The following KREMEN1 variants were observed in gnomAD, a reference collection of about 807,000 sequenced individuals.
KREMEN1 encodes kremen protein 1.
Under a neutral mutation model 46.5 loss-of-function variants are expected in KREMEN1, and 30 were observed. The observed-to-expected ratio is 0.65, with a 90% confidence interval of 0.48 to 0.88. The LOEUF is 0.88. Ranked by LOEUF, KREMEN1 falls within the 40% of genes least tolerant of loss-of-function variation. The pLI is 0.00. For missense variants in KREMEN1, 533 were observed against 596.9 expected, an observed-to-expected ratio of 0.89 and a Z score of 1.11; for synonymous variants, 214 against 230.6, an observed-to-expected ratio of 0.93 and a Z score of 0.65.
chr22:29,155,398 G>T (rs1391868740), intron 9 of KREMEN1, among the ~76,000 whole-genome samples: 1 of 152,070 alleles, frequency 6.6e-6, no homozygotes, highest in Non-Finnish European at 1.5e-5. Flanking sequence ...AGCCAAGCAT[G>T]GTGGTGTGTG....
At chr22:29,087,053 C>A (rs1054473327) in intron 1 of KREMEN1, among the ~76,000 whole-genome samples, 1 of 151,874 alleles carries the variant, frequency 6.6e-6, no homozygotes, top group African/African-American at 2.4e-5. Flanking sequence ...ATGAGCCATA[C>A]CCTCTAAATA....
intron 9 of KREMEN1, among the ~76,000 whole-genome samples, chr22:29,155,477 G>A (rs940983982): frequency 1.3e-5 from 2 of 152,172 alleles, no homozygotes; most frequent in African/African-American, 4.8e-5. Flanking sequence ...CTAGGCTGCA[G>A]TGAGCCGTGA....
At chr22:29,129,439 G>A (rs2038499890) in intron 5 of KREMEN1, among the ~76,000 whole-genome samples, 1 of 152,124 alleles carries the variant, frequency 6.6e-6, no homozygotes, top group Admixed American at 6.5e-5. Context: ...GAACAAGGCT[G>A]AGCACTTTGG....
Position 29,131,550 on chromosome 22 carries a change from ATATATATATATGTGTGTGTGTGTGTG to A in KREMEN1, c.632-5790_632-5765del, listed in dbSNP as rs1201093426. Among the ~76,000 whole-genome samples the A allele has an allele frequency of 1.8e-3, 112 of 62,676 alleles. 2 individuals are homozygous for A. The highest frequency in any genetic ancestry group is 7.3e-3 in the African/African-American group (106 of 14,434). The allele number at this position is 62,676 out of a possible 152,430, so 41.1% of individuals were successfully genotyped here. Reference sequence around the variant, plus strand: ...TATATATATATATATATATATATATATATATATATATGTGTGTGTGTGTGTGTGTGTGTGTGTGTGTGTGTATATGT... The same window carrying A: ...TATATATATATATATATATATATATATGTGTGTGTGTGTGTGTGTATATGT... On this transcript the variant is annotated intron_variant, in intron 5 of 8. Transcript: ENST00000400335.
At chr22:29,104,164 T>TC in intron 3 of KREMEN1, among the ~76,000 whole-genome samples, 1 of 151,128 alleles carries the variant, frequency 6.6e-6, no homozygotes, top group East Asian at 1.9e-4. Flanking sequence ...GTAATTTTTT[T>TC]TTTTTTTTTT....
intron 3 of KREMEN1, among the ~76,000 whole-genome samples, chr22:29,115,002 G>C (rs1280083548): frequency 1.3e-5 from 2 of 152,134 alleles, no homozygotes; most frequent in East Asian, 3.9e-4. Context: ...GAGAAGAAAG[G>C]AGTCAAAACC....
intron 3 of KREMEN1, among the ~76,000 whole-genome samples, chr22:29,105,843 G>T (rs144306199): frequency 6.6e-6 from 1 of 152,110 alleles, no homozygotes; most frequent in East Asian, 1.9e-4. Context: ...TCTGCAATAC[G>T]TGTGGAACCT....
chr22:29,138,528 GAGA>G (rs950411610), intron 6 of KREMEN1, 93 bp from the exon 7 acceptor site: 5 of 1,269,726 alleles, frequency 3.9e-6, no homozygotes, highest in Non-Finnish European at 5.7e-6. Context: ...AATTGAATCA[GAGA>G]AGAACTCTTC....
chr22:29,131,755 T>C (rs1478354400), intron 5 of KREMEN1, among the ~76,000 whole-genome samples: 2,426 of 136,938 alleles, frequency 0.018, 139 homozygotes, highest in African/African-American at 0.068. Context: ...TATGTATATA[T>C]GTATATATAT....
Position 29,080,941 on chromosome 22 carries a change from C to CTTCTTTTT in KREMEN1, c.97+7716_97+7717insCTTTTTTT, listed in dbSNP as rs134612. The stretch of plus-strand genomic sequence containing the variant: ...GTCCTGATTGTATTATTTTTTTGTC[C>CTTCTTTTT]TTTTTTTTTTTTTTTTTTTTTAGCG... On this transcript the variant is annotated intron_variant, in intron 1 of 8. Coordinates refer to ENST00000400335, the MANE Select transcript of KREMEN1 (RefSeq NM_001039570.3). Among the ~76,000 whole-genome samples, 65 of 112,196 alleles carry CTTCTTTTT rather than the reference C, an allele frequency of 5.8e-4. 8 individuals are homozygous for CTTCTTTTT. Among genetic ancestry groups the CTTCTTTTT allele is most frequent in the Middle Eastern group, 0.011 (2 of 182 alleles). 73.6% of individuals were successfully genotyped at this position (112,196 alleles called of 152,430 possible). A position where few individuals can be genotyped will look rare whatever the true frequency, so the allele number is the denominator to read the frequency against.
intron 4 of KREMEN1, among the ~76,000 whole-genome samples, chr22:29,122,427 A>G (rs1601790995): frequency 6.6e-6 from 1 of 152,340 alleles, no homozygotes; most frequent in South Asian, 2.1e-4. Context: ...AAATATGCAC[A>G]TACCTTAAAA....
chr22:29,165,594 C>T (rs2039046476), intron 9 of KREMEN1, among the ~76,000 whole-genome samples: 1 of 152,172 alleles, frequency 6.6e-6, no homozygotes, highest in African/African-American at 2.4e-5. Flanking sequence ...GTTCAATAAT[C>T]ACAACAGGCT....
chr22:29,151,952 G>A lies in KREMEN1; in HGVS notation c.1416+9852G>A, dbSNP rs148024471. ...TTGAACCGGGGAGGTGGAGGTTGCC[G>A]TGAGCCGAGATTGTGCCATTGCACT... On this transcript the variant is annotated intron_variant, in intron 9 of 9. Transcript: ENST00000327813. Among the ~76,000 whole-genome samples, 1,287 of 151,022 alleles carry A rather than the reference G, an allele frequency of 8.5e-3. 16 individuals are homozygous for A. Among genetic ancestry groups the A allele is most frequent in the African/African-American group, 0.029 (1,185 of 41,138 alleles).
intron 3 of KREMEN1, among the ~76,000 whole-genome samples, chr22:29,100,734 G>T (rs903169914): frequency 1.3e-5 from 2 of 152,146 alleles, no homozygotes; most frequent in Admixed American, 6.6e-5. Context: ...CCTTCATGAG[G>T]TATTCTAGAA....
chr22:29,106,873 G>A (rs1384106464), intron 3 of KREMEN1, among the ~76,000 whole-genome samples: 1 of 152,204 alleles, frequency 6.6e-6, no homozygotes, highest in Non-Finnish European at 1.5e-5. Context: ...TAACTCAGTG[G>A]CGACAGAGGG....
Position 29,143,173 on chromosome 22 carries a change from CAAA to C in KREMEN1, c.*1067_*1069del. On this transcript the variant is annotated 3_prime_UTR_variant, in exon 9 of 9. Transcript: ENST00000400335. ...CTCAAAAAAACAAAACACAAATAAACAAAAAAAATCCATTCATTTACTCATGCA... is the reference window on the plus strand; with the variant it reads ...CTCAAAAAAACAAAACACAAATAAACAAAAATCCATTCATTTACTCATGCA... 1.0e-6 allele frequency: 1 copy of C among 984,170 alleles called. No individual in the cohort carries two copies. The highest frequency in any genetic ancestry group is 1.2e-6 in the Non-Finnish European group (1 of 829,086). 61.0% of individuals were successfully genotyped at this position (984,170 alleles called of 1,614,324 possible).
Position 29,144,067 on chromosome 22 carries a change from C to G in KREMEN1, c.*1955C>G, listed in dbSNP as rs891387143. The G allele has an allele frequency of 1.0e-6, 1 of 985,544 alleles. No individual in the cohort carries two copies. 61.0% of individuals were successfully genotyped at this position (985,544 alleles called of 1,614,324 possible). The stretch of plus-strand genomic sequence containing the variant: ...TGTCAACAGCAGCTGAGAAAAGCAG[C>G]CTGTGCCTCTGCTGGCCAGGCCTAG... On this transcript the variant is annotated 3_prime_UTR_variant, in exon 9 of 9. Transcript: ENST00000400335.
At chr22:29,156,253 G>A (rs9625723) in intron 9 of KREMEN1, among the ~76,000 whole-genome samples, 1,832 of 152,312 alleles carry the variant, frequency 0.012, 37 homozygotes, top group African/African-American at 0.042. Context: ...CAGAAGCTTT[G>A]GGCCAGCAGA....
chr22:29,148,388 G>A (rs1170692831), downstream of KREMEN1, among the ~76,000 whole-genome samples: 1 of 152,160 alleles, frequency 6.6e-6, no homozygotes, highest in Admixed American at 6.5e-5. Flanking sequence ...GGACCAAGGT[G>A]GGCAGGAGTA....
Sources: gnomAD v4.1 joint callset for allele counts (sites outside exome capture counted in the v4.1 genomes callset) on GRCh38, gnomAD v4.1.1 for gene constraint, MANE v1.5 for transcripts, NCBI Gene and HGNC (gene_info 2026-07-23, HGNC 2026-07-21) for gene names.